The following MAK16 variants were observed in gnomAD, a reference collection of about 807,000 sequenced individuals.
MAK16 encodes the protein protein MAK16 homolog.
MAK16 carries 12 observed loss-of-function variants against 49.9 expected under a neutral mutation model. The ratio of observed to expected loss-of-function variants is 0.24; its 90% CI spans 0.15 to 0.39. The LOEUF is 0.39. Ranked by LOEUF, MAK16 falls within the 10% of genes least tolerant of loss-of-function variation. The pLI is 1.00. For missense variants in MAK16, 292 were observed against 363.7 expected, an observed-to-expected ratio of 0.80 and a Z score of 1.60; for synonymous variants, 115 against 126.4, an observed-to-expected ratio of 0.91 and a Z score of 0.60.
chr8:33,489,276 G>GT lies in MAK16; in HGVS notation c.392+137_392+138insT. 1.4e-6 allele frequency: 1 copy of GT among 727,396 alleles called. No individual in the cohort carries two copies. The highest frequency in any genetic ancestry group is 2.2e-6 in the Non-Finnish European group (1 of 451,260). 45.1% of individuals were successfully genotyped at this position (727,396 alleles called of 1,614,324 possible). A position where few individuals can be genotyped will look rare whatever the true frequency, so the allele number is the denominator to read the frequency against. The stretch of plus-strand genomic sequence containing the variant: ...TATGATGTACTAAAGAGAAACTTTA[G>GT]CTTTGACTAAAGGTGTGCCCTTTGA... On this transcript the variant is annotated intron_variant, in intron 5 of 9. Transcript: ENST00000360128. The surrounding 1 kb of genome is among the most constrained non-coding windows in gnomAD (Gnocchi z 4.2).
At chr8:33,494,944 A>G (rs1404616059) in intron 6 of MAK16, among the ~76,000 whole-genome samples, 5 of 152,102 alleles carry the variant, frequency 3.3e-5, no homozygotes, top group Admixed American at 2.6e-4. Flanking sequence ...ATGCCTGGCT[A>G]ATTTTCCATG....
At chr8:33,490,893 A>AT (rs960801784) in intron 6 of MAK16, among the ~76,000 whole-genome samples, 7 of 151,616 alleles carry the variant, frequency 4.6e-5, no homozygotes, top group African/African-American at 1.2e-4. Flanking sequence ...CATTCTTCCT[A>AT]TTTTTTTTAG....
intron 1 of MAK16, among the ~76,000 whole-genome samples, chr8:33,487,428 C>CT (rs11292522): frequency 0.011 from 1,522 of 143,304 alleles, 24 homozygotes; most frequent in African/African-American, 0.035. Context: ...ACCATGAAGC[C>CT]TTTTTTTTTT....
chr8:33,496,522 C>A, intron 7 of MAK16, 103 bp from the exon 8 acceptor site: 1 of 780,010 alleles, frequency 1.3e-6, no homozygotes, highest in Non-Finnish European at 2.0e-6. Flanking sequence ...ATTAAGTATT[C>A]TGATTTAATC....
Position 33,499,413 on chromosome 8 carries a change from G to T in MAK16, c.*784G>T. The T allele has an allele frequency of 1.5e-6, 1 of 676,436 alleles. No homozygotes were observed. The highest frequency in any genetic ancestry group is 2.6e-6 in the Non-Finnish European group (1 of 381,874). 41.9% of individuals were successfully genotyped at this position (676,436 alleles called of 1,614,324 possible). A position where few individuals can be genotyped will look rare whatever the true frequency, so the allele number is the denominator to read the frequency against. On this transcript the variant is annotated 3_prime_UTR_variant, in exon 10 of 10. Coordinates refer to ENST00000360128, the MANE Select transcript of MAK16 (RefSeq NM_032509.4). Reference sequence around the variant, plus strand: ...ACACTTAGGGACAGGTCACTAAGCAGAATAGGTATTAGTTGGTTTTTTATT... The same window carrying T: ...ACACTTAGGGACAGGTCACTAAGCATAATAGGTATTAGTTGGTTTTTTATT...
rs1383369829 is a variant in MAK16, at chr8:33,488,425, A to G, written c.63A>G (p.Ile21Met). The change falls in exon 2 of 10, where the codon ATA becomes ATG. Residue 21 changes from isoleucine to methionine, a missense_variant and splice_region_variant. Physicochemically the swap from Ile to Met is conservative, Grantham distance 10. Coordinates refer to ENST00000360128, the MANE Select transcript of MAK16 (RefSeq NM_032509.4). ...LGNKQFCSFK[I>M]RTKTQSFCRN... ...ACAAGCAATTTTGTTCCTTCAAAATAAGGTGAGTCTCAATTTACAACTTGG... is the reference window on the plus strand; with the variant it reads ...ACAAGCAATTTTGTTCCTTCAAAATGAGGTGAGTCTCAATTTACAACTTGG... The G allele has an allele frequency of 6.2e-7, 1 of 1,614,082 alleles. No homozygotes were observed. Among genetic ancestry groups the G allele is most frequent in the Non-Finnish European group, 8.5e-7 (1 of 1,180,020 alleles).
Position 33,498,826 on chromosome 8 carries a change from A to G in MAK16, c.*197A>G, listed in dbSNP as rs1167189011. The G allele has an allele frequency of 6.5e-6, 4 of 617,784 alleles. No homozygotes were observed. The highest frequency in any genetic ancestry group is 6.1e-5 in the Admixed American group (2 of 32,762). The allele number at this position is 617,784 out of a possible 1,614,324, so 38.3% of individuals were successfully genotyped here. ...TGAAGAAAGCTAAGTTGTGAACAAG[A>G]GTGTTTTTATAGCATATGTGTTGAA... On this transcript the variant is annotated 3_prime_UTR_variant, in exon 10 of 10. Coordinates refer to ENST00000360128, the MANE Select transcript of MAK16 (RefSeq NM_032509.4).
chr8:33,490,142 G>T, intron 5 of MAK16, 143 bp from the exon 6 acceptor site: 1 of 629,314 alleles, frequency 1.6e-6, no homozygotes, highest in Non-Finnish European at 2.7e-6. Context: ...TAGCCTCCGT[G>T]AATGCCTGAA....
chr8:33,489,236 CT>C lies in MAK16; in HGVS notation c.392+100del. 9.1e-7 allele frequency: 1 copy of C among 1,096,110 alleles called. No homozygotes were observed. The highest frequency in any genetic ancestry group is 1.3e-6 in the Non-Finnish European group (1 of 758,824). The allele number at this position is 1,096,110 out of a possible 1,614,324, so 67.9% of individuals were successfully genotyped here. On this transcript the variant is annotated intron_variant, in intron 5 of 9. Transcript: ENST00000360128. This position sits in a 1 kb window ranked among gnomAD's most constrained non-coding sequence, Gnocchi z 4.2. ...TGAAACTTCGGGGCTTTCTATTCAA[CT>C]TTGTGGAGTCTGTTATGATGTACTA...
rs756029795 is a variant in MAK16, at chr8:33,488,593, G to T, written c.139G>T (p.Ala47Ser). The change falls in exon 3 of 10, where the codon GCA becomes TCA. Residue 47 changes from alanine (A) to serine (S), a missense_variant. By Grantham distance (99) the Ala-to-Ser change is moderately conservative. Transcript: ENST00000360128. ...GLCNRSSCPL[A>S]NSQYATIKEE... ...GTGTAATCGGTCATCCTGTCCCCTG[G>T]CAAATAGTCAGTATGCCACTATTAA... 8 of 1,613,944 alleles carry T rather than the reference G, an allele frequency of 5.0e-6. No homozygotes were observed. In the African/African-American group the frequency reaches 8.0e-5, roughly 16 times the overall value.
chr8:33,490,366 C>T lies in MAK16; in HGVS notation c.447+27C>T. The T allele has an allele frequency of 1.9e-6, 3 of 1,591,760 alleles. No individual in the cohort carries two copies. The East Asian group carries it at 6.7e-5, about 36-fold the overall frequency. On this transcript the variant is annotated intron_variant, in intron 6 of 9. Transcript: ENST00000360128. ...TAACTTATTGTTGAGATATTCATAC[C>T]TTCTACATTTTCTTTCTGGGGGTCT... is the stretch of plus-strand genomic sequence containing the variant.
intron 1 of MAK16, among the ~76,000 whole-genome samples, chr8:33,487,164 TTTTGTGATAC>T: frequency 6.6e-6 from 1 of 152,312 alleles, no homozygotes; most frequent in South Asian, 2.1e-4. Context: ...AGACCTGCTA[TTTTGTGATAC>T]TTTGTTTACA....
chr8:33,491,918 G>C (rs1808785505), intron 6 of MAK16, among the ~76,000 whole-genome samples: 3 of 152,010 alleles, frequency 2.0e-5, no homozygotes, highest in African/African-American at 7.2e-5. Context: ...ACAGGTGTGA[G>C]CCACCATGTC....
chr8:33,496,743 T>G lies in MAK16; in HGVS notation c.639+2T>G. 6.3e-7 allele frequency: 1 copy of G among 1,594,232 alleles called. No individual in the cohort carries two copies. Among genetic ancestry groups the G allele is most frequent in the Non-Finnish European group, 8.6e-7 (1 of 1,167,320 alleles). ...GATGATGATGATGATGATGAGGAAG[T>G]AAGTCTTGTTTTTGTTTTGCCAAAC... is the stretch of plus-strand genomic sequence containing the variant. On this transcript the variant is annotated splice_donor_variant, in intron 8 of 9. Transcript: ENST00000360128. LOFTEE classifies it high-confidence loss of function.
chr8:33,497,873 A>G (rs1207900712), intron 9 of MAK16, among the ~76,000 whole-genome samples: 1 of 151,572 alleles, frequency 6.6e-6, no homozygotes, highest in Non-Finnish European at 1.5e-5. Flanking sequence ...AGGTGGGCGG[A>G]TCACATGAGG....
At position 33,499,292 on chromosome 8, in the gene MAK16, C is replaced by G. The variant is rs1464028311; in HGVS notation, c.*663C>G. ...GCCAGGAGACCCTGAAACATGAAAC[C>G]AAACAGGCTTTGATATTTTTTTTTT... On this transcript the variant is annotated 3_prime_UTR_variant, in exon 10 of 10. Transcript: ENST00000360128. The G allele has an allele frequency of 1.3e-6, 2 of 1,571,944 alleles. No individual in the cohort carries two copies.
intron 6 of MAK16, among the ~76,000 whole-genome samples, chr8:33,493,494 G>A (rs1808809493): frequency 6.6e-6 from 1 of 152,146 alleles, no homozygotes; most frequent in Non-Finnish European, 1.5e-5. Context: ...ATAACTAATT[G>A]TGATGTAGTG....
Position 33,498,637 on chromosome 8 carries a change from T to C in MAK16, c.*8T>C, listed in dbSNP as rs1468896563. ...AAAGCCAAAACCACGTGATTTCCCT[T>C]TCAGCATTTATACCCAGGACTGAAC... On this transcript the variant is annotated 3_prime_UTR_variant, in exon 10 of 10. Transcript: ENST00000360128. 1.2e-6 allele frequency: 2 copies of C among 1,612,010 alleles called. No individual in the cohort carries two copies. Among genetic ancestry groups the C allele is most frequent in the Admixed American group, 3.3e-5 (2 of 59,902 alleles).
chr8:33,492,864 GT>G (rs936895112), intron 6 of MAK16, among the ~76,000 whole-genome samples: 10 of 147,378 alleles, frequency 6.8e-5, no homozygotes, highest in African/African-American at 1.2e-4. Context: ...TTTTTTTGTT[GT>G]TTTTTTTTGT....
Sources: gnomAD v4.1 joint callset for allele counts (sites outside exome capture counted in the v4.1 genomes callset) on GRCh38, gnomAD v4.1.1 for gene constraint, Gnocchi (gnomAD v3.1) non-coding constraint, MANE v1.5 for transcripts, NCBI Gene and HGNC (gene_info 2026-07-23, HGNC 2026-07-21) for gene names.